Variants in CASQ2 observed in about 807,000 individuals in gnomAD.
CASQ2 encodes the protein calsequestrin 2.
Under a neutral mutation model 46.5 loss-of-function variants are expected in CASQ2, and 49 were observed. The ratio of observed to expected loss-of-function variants is 1.05; its 90% confidence interval spans 0.84 to 1.34. The LOEUF is 1.34. Among genes scored for constraint, CASQ2 ranks in the 40% most tolerant of loss-of-function variants. CASQ2 has a pLI of 0.00. For missense variants in CASQ2, 486 were observed against 481.3 expected (o/e 1.01, Z -0.09); for synonymous variants, 174 against 168.5 (o/e 1.03, Z -0.25).
At chr1:115,735,411 T>G (rs1647924699) in intron 4 of CASQ2, among the ~76,000 whole-genome samples, 1 of 152,212 alleles carries the variant, frequency 6.6e-6, no homozygotes, top group Non-Finnish European at 1.5e-5. Context: ...GAAAATATTT[T>G]GAGGGATCAT....
intron 8 of CASQ2, among the ~76,000 whole-genome samples, chr1:115,706,646 T>C (rs1279080878): frequency 6.6e-6 from 1 of 152,226 alleles, no homozygotes; most frequent in East Asian, 1.9e-4. Context: ...ATAGCTGAAT[T>C]TGTGGCTTGA....
At chr1:115,768,220 C>T (rs2101130246) in intron 1 of CASQ2, 88 bp downstream of exon 1, 1 of 866,222 alleles carries the variant, frequency 1.2e-6, no homozygotes, top group South Asian at 1.3e-5. Context: ...TCTCTGCATC[C>T]TCGTTCCCAT....
rs200265771 is a variant in CASQ2 at position 115,725,539 on chromosome 1, C to A, written c.752G>T (p.Arg251Leu). The A allele has an allele frequency of 1.4e-6, 2 of 1,420,296 alleles. No homozygotes were observed. The highest frequency in any genetic ancestry group is 1.9e-6 in the Non-Finnish European group (2 of 1,028,198). The allele number at this position is 1,420,296 out of a possible 1,614,324, so 88.0% of individuals were successfully genotyped here. Reference protein sequence around the residue: ...VKEHQRPTLRRLRPEEMFETW... With the variant: ...VKEHQRPTLRLLRPEEMFETW... ...TTCAAACATTTCTTCTGGGCGCAGGCGACGTAGAGTGGGTCTGGAAAAAAA... is the reference window on the plus strand; with the variant it reads ...TTCAAACATTTCTTCTGGGCGCAGGAGACGTAGAGTGGGTCTGGAAAAAAA... Residue 251 changes from arginine to leucine, a missense_variant, in exon 7 of 11, where the codon CGC becomes CTC. Transcript: ENST00000261448.
At position 115,700,115 on chromosome 1, in the gene CASQ2, A is replaced by C. The variant is rs1654159409; in HGVS notation, c.*1126T>G. 1 of 143,122 alleles carries C rather than the reference A, an allele frequency of 7.0e-6. No individual in the cohort carries two copies. The highest frequency in any genetic ancestry group is 1.6e-5 in the Non-Finnish European group (1 of 63,966). The allele number at this position is 143,122 out of a possible 1,614,324, so 8.9% of individuals were successfully genotyped here. On this transcript the variant is annotated 3_prime_UTR_variant, in exon 11 of 11. Coordinates refer to ENST00000261448, the MANE Select transcript of CASQ2 (RefSeq NM_001232.4). ...TCAAAAAATTTGCACAGTGTCTTAC[A>C]CATGTGCTAAAAGATTGAGAAAATA...
chr1:115,706,184 ATGTG>A (rs1557785383), intron 8 of CASQ2, among the ~76,000 whole-genome samples: 2 of 150,096 alleles, frequency 1.3e-5, no homozygotes, highest in East Asian at 1.9e-4. Flanking sequence ...GCGTGTGTGT[ATGTG>A]TGTGTGCGTG....
At chr1:115,766,725 G>A (rs982153529) in intron 1 of CASQ2, among the ~76,000 whole-genome samples, 5 of 152,156 alleles carry the variant, frequency 3.3e-5, no homozygotes, top group South Asian at 2.1e-4. Context: ...TTTCCTTATC[G>A]GTCTCTGCTG....
intron 10 of CASQ2, among the ~76,000 whole-genome samples, chr1:115,702,617 T>TTGCTGTTTGACTTTGGGGG (rs1654241110): frequency 6.6e-6 from 1 of 152,170 alleles, no homozygotes; most frequent in Non-Finnish European, 1.5e-5. Context: ...ACCTTTTTGT[T>TTGCTGTTTGACTTTGGGGG]TGCTGTTTGA....
At chr1:115,720,908 C>T (rs1647351590) in intron 7 of CASQ2, among the ~76,000 whole-genome samples, 1 of 152,198 alleles carries the variant, frequency 6.6e-6, no homozygotes, top group Non-Finnish European at 1.5e-5. Context: ...AAACCTTACT[C>T]ACTGAAGAAA....
At chr1:115,736,001 A>T (rs553256236) in intron 4 of CASQ2, among the ~76,000 whole-genome samples, 1 of 151,820 alleles carries the variant, frequency 6.6e-6, no homozygotes, top group South Asian at 2.1e-4. Context: ...ATCCTTACTA[A>T]AAATACAAAA....
chr1:115,727,081 G>T lies in CASQ2; in HGVS notation c.648C>A (p.Phe216Leu). The change falls in exon 6 of 11, where the codon TTC becomes TTA. Residue 216 changes from phenylalanine to leucine, a missense_variant. Transcript: ENST00000261448. ...KLSLKMNEVD[F>L]YEPFMDEPIA... ...TGGGCTCATCCATAAATGGCTCATAGAAGTCAACCTCATTCATCTTCAAAG... is the reference window on the plus strand; with the variant it reads ...TGGGCTCATCCATAAATGGCTCATATAAGTCAACCTCATTCATCTTCAAAG... 1 of 1,613,168 alleles carries T rather than the reference G, an allele frequency of 6.2e-7. No homozygotes were observed. The highest frequency in any genetic ancestry group is 8.5e-7 in the Non-Finnish European group (1 of 1,179,204).
chr1:115,762,984 G>A (rs1570861827), intron 1 of CASQ2, among the ~76,000 whole-genome samples: 1 of 152,190 alleles, frequency 6.6e-6, no homozygotes, highest in Admixed American at 6.5e-5. Context: ...ATGTTGTCAT[G>A]TGACCAGTGC....
At chr1:115,746,073 T>C (rs1242578774) in intron 1 of CASQ2, among the ~76,000 whole-genome samples, 1 of 152,248 alleles carries the variant, frequency 6.6e-6, no homozygotes, top group Non-Finnish European at 1.5e-5. Context: ...AATGGAATTA[T>C]ATAGTATGTA....
intron 5 of CASQ2, among the ~76,000 whole-genome samples, chr1:115,728,152 A>T (rs1647657945): frequency 6.6e-6 from 1 of 152,180 alleles, no homozygotes; most frequent in African/African-American, 2.4e-5. Context: ...GCCGTGACCC[A>T]GGGCGGCTGC....
chr1:115,751,671 TAA>T (rs10542263), intron 1 of CASQ2, among the ~76,000 whole-genome samples: 1 of 148,486 alleles, frequency 6.7e-6, no homozygotes, highest in African/African-American at 2.5e-5. Flanking sequence ...GCCTCCATCT[TAA>T]AAAAAAAAAA....
At chr1:115,748,568 A>T (rs1280257701) in intron 1 of CASQ2, among the ~76,000 whole-genome samples, 1 of 123,994 alleles carries the variant, frequency 8.1e-6, no homozygotes, top group African/African-American at 3.1e-5. Context: ...GCCTGTAACT[A>T]GGCAACACTT....
chr1:115,736,423 G>C (rs796964890), intron 4 of CASQ2, among the ~76,000 whole-genome samples: 4 of 151,956 alleles, frequency 2.6e-5, no homozygotes, highest in Non-Finnish European at 5.9e-5. Context: ...GATCACTTGA[G>C]GTCAGGAGTT....
intron 9 of CASQ2, 102 bp from the exon 10 acceptor site, chr1:115,703,097 A>C (rs1654260472): frequency 8.9e-6 from 8 of 894,518 alleles, no homozygotes; most frequent in Admixed American, 2.0e-5. Context: ...CATTGGTTAA[A>C]GGTCTTCAAA....
chr1:115,766,886 G>C (rs1401841799), intron 1 of CASQ2, among the ~76,000 whole-genome samples: 1 of 128,988 alleles, frequency 7.8e-6, no homozygotes, highest in Non-Finnish European at 1.8e-5. Flanking sequence ...TAGATAGATA[G>C]ATAGATAGAT....
intron 7 of CASQ2, among the ~76,000 whole-genome samples, chr1:115,723,162 G>A (rs911906832): frequency 6.6e-6 from 1 of 152,132 alleles, no homozygotes; most frequent in South Asian, 2.1e-4. Context: ...TTGCAGTAAA[G>A]GACATTGATG....
Sources: allele counts gnomAD v4.1 joint callset (sites outside exome capture counted in the v4.1 genomes callset), GRCh38; gene constraint gnomAD v4.1.1; transcripts MANE v1.5; gene names NCBI Gene and HGNC (gene_info 2026-07-23, HGNC 2026-07-21).